Variants in G3BP1 observed in about 807,000 individuals in gnomAD.
G3BP1 encodes the protein ras GTPase-activating protein-binding protein 1.
In G3BP1, 35 loss-of-function variants were observed where a neutral mutation model predicts 58.6. The observed-to-expected ratio is 0.60, with a 90% CI of 0.46 to 0.79. G3BP1 has a LOEUF of 0.79. G3BP1 is among the 30% of genes least tolerant of loss of function. G3BP1 has a pLI of 0.00. For missense variants in G3BP1, 523 were observed against 580.8 expected, an observed-to-expected ratio of 0.90 and a Z score of 1.02; for synonymous variants, 191 against 195.4, an observed-to-expected ratio of 0.98 and a Z score of 0.19.
intron 1 of G3BP1, among the ~76,000 whole-genome samples, chr5:151,779,391 G>T (rs1762429309): frequency 6.6e-6 from 1 of 151,898 alleles, no homozygotes; most frequent in African/African-American, 2.4e-5. Flanking sequence ...ATATCTAATT[G>T]TTTCAGTACC....
At position 151,797,292 on chromosome 5, in the gene G3BP1, C is replaced by CAGAACA; in HGVS notation, c.611_616dup (p.Gln204_Glu205dup). 1 of 1,613,084 alleles carries CAGAACA rather than the reference C, an allele frequency of 6.2e-7. No homozygotes were observed. Among genetic ancestry groups the CAGAACA allele is most frequent in the Non-Finnish European group, 8.5e-7 (1 of 1,179,134 alleles). On this transcript the variant is annotated inframe_insertion, in exon 7 of 12. Transcript: ENST00000356245. ...CCAGAGCCTGATCCTGAACCAGAACCAGAACAAGAACCTGTATCTGAAATC... is the reference window on the plus strand; with the variant it reads ...CCAGAGCCTGATCCTGAACCAGAACCAGAACAAGAACAAGAACCTGTATCTGAAATC...
intron 1 of G3BP1, among the ~76,000 whole-genome samples, chr5:151,776,033 C>T (rs1762363526): frequency 6.6e-6 from 1 of 152,098 alleles, no homozygotes. Context: ...TTTGGATTTC[C>T]TTAGTTTTTC....
At chr5:151,786,813 T>C (rs1368812711) in intron 2 of G3BP1, 98 bp downstream of exon 2, 1 of 773,944 alleles carries the variant, frequency 1.3e-6, no homozygotes, top group African/African-American at 1.7e-5. Context: ...TTTGTAGGGT[T>C]GTTGCATAAT....
chr5:151,796,062 T>G (rs1045930280), intron 6 of G3BP1, among the ~76,000 whole-genome samples: 2 of 152,224 alleles, frequency 1.3e-5, no homozygotes, highest in Non-Finnish European at 2.9e-5. Context: ...AGAAATGTGT[T>G]TGATAGCAAT....
At position 151,812,708 on chromosome 5, in the gene G3BP1, TAAATA is replaced by T. The variant is rs780801957; in HGVS notation, c.*8624_*8628del. ...GTTGCTAAATCTAAGATCGAGTGTATAAATAAAATAACCCCTTCCTCCAGTGACTG... is the reference window on the plus strand; with the variant it reads ...GTTGCTAAATCTAAGATCGAGTGTATAAATAACCCCTTCCTCCAGTGACTG... On this transcript the variant is annotated 3_prime_UTR_variant, in exon 12 of 12. Coordinates refer to ENST00000356245, the MANE Select transcript of G3BP1 (RefSeq NM_005754.3). 8 of 152,336 alleles carry T rather than the reference TAAATA, an allele frequency of 5.3e-5. No homozygotes were observed. Among genetic ancestry groups the T allele is most frequent in the African/African-American group, 1.2e-4 (5 of 41,594 alleles). The allele number at this position is 152,336 out of a possible 1,614,324, so 9.4% of individuals were successfully genotyped here. A position where few individuals can be genotyped will look rare whatever the true frequency, so the allele number is the denominator to read the frequency against.
chr5:151,781,898 ACT>A (rs1288832037), intron 1 of G3BP1, among the ~76,000 whole-genome samples: 1 of 152,046 alleles, frequency 6.6e-6, no homozygotes, highest in Non-Finnish European at 1.5e-5. Flanking sequence ...CAGATTTTCA[ACT>A]CTGGGCTATC....
At chr5:151,793,785 G>A (rs1185502904) in intron 4 of G3BP1, among the ~76,000 whole-genome samples, 1 of 119,632 alleles carries the variant, frequency 8.4e-6, no homozygotes, top group Non-Finnish European at 1.7e-5. Flanking sequence ...TTGAGCCCAG[G>A]AATTAAAGAC....
chr5:151,800,729 G>A (rs2113249647), intron 10 of G3BP1, 31 bp from the exon 11 acceptor site: 2 of 1,251,982 alleles, frequency 1.6e-6, no homozygotes, highest in East Asian at 2.3e-5. Flanking sequence ...AATGGTCTAA[G>A]TAGTTATCTG....
At chr5:151,787,818 TATTCAATATGAATA>T (rs1208373671) in intron 2 of G3BP1, 7 of 299,042 alleles carry the variant, frequency 2.3e-5, no homozygotes, top group Non-Finnish European at 3.4e-5. Flanking sequence ...TTTATGAATG[TATTCAATATGAATA>T]TTTTCAATTC....
Position 151,774,958 on chromosome 5 carries a change from CCTGTCT to C in G3BP1, c.-50+2923_-50+2928del, listed in dbSNP as rs528267038. Among the ~76,000 whole-genome samples, 20 of 152,162 alleles carry C rather than the reference CCTGTCT, an allele frequency of 1.3e-4. No homozygotes were observed. The South Asian group carries it at 3.3e-3, about 25-fold the overall frequency. On this transcript the variant is annotated intron_variant, in intron 1 of 11. Transcript: ENST00000356245. ...TTTTTAAAAAAGTATTCTTGGACATCCTGTCTGTCTTTAGTTGGGAAGGTCAAGTTG... is the reference window on the plus strand; with the variant it reads ...TTTTTAAAAAAGTATTCTTGGACATCGTCTTTAGTTGGGAAGGTCAAGTTG...
intron 1 of G3BP1, among the ~76,000 whole-genome samples, chr5:151,784,812 T>G (rs939932384): frequency 6.6e-6 from 1 of 152,164 alleles, no homozygotes; most frequent in African/African-American, 2.4e-5. Flanking sequence ...GATAATATAT[T>G]TATTTACATT....
rs1378851618 is a variant in G3BP1 at position 151,804,203 on chromosome 5, A to C, written c.*112A>C. On this transcript the variant is annotated 3_prime_UTR_variant, in exon 12 of 12. Coordinates refer to ENST00000356245, the MANE Select transcript of G3BP1 (RefSeq NM_005754.3). Reference sequence around the variant, plus strand: ...ACCCCAGTCTGTTATAAACTGCTTAAGTTTGTATAATTTTACTTTTTTTGT... The same window carrying C: ...ACCCCAGTCTGTTATAAACTGCTTACGTTTGTATAATTTTACTTTTTTTGT... 9 of 679,320 alleles carry C rather than the reference A, an allele frequency of 1.3e-5. No individual in the cohort carries two copies. In the Middle Eastern group the frequency reaches 9.1e-4, roughly 69 times the overall value. 42.1% of individuals were successfully genotyped at this position (679,320 alleles called of 1,614,324 possible). A position where few individuals can be genotyped will look rare whatever the true frequency, so the allele number is the denominator to read the frequency against.
chr5:151,790,526 T>C (rs1762632834), intron 3 of G3BP1, 122 bp downstream of exon 3: 1 of 522,894 alleles, frequency 1.9e-6, no homozygotes, highest in Non-Finnish European at 3.4e-6. Context: ...TTAGTAAAAG[T>C]TGATGTGTTT....
intron 7 of G3BP1, among the ~76,000 whole-genome samples, chr5:151,798,076 T>C (rs1201156186): frequency 6.6e-6 from 1 of 152,222 alleles, no homozygotes; most frequent in Non-Finnish European, 1.5e-5. Context: ...CTGCTGTGTG[T>C]TAGGCATTGT....
Position 151,812,159 on chromosome 5 carries a change from C to G in G3BP1, c.*8068C>G, listed in dbSNP as rs1033906050. 6.6e-6 allele frequency: 1 copy of G among 152,184 alleles called. No homozygotes were observed. Among genetic ancestry groups the G allele is most frequent in the African/African-American group, 2.4e-5 (1 of 41,450 alleles). 9.4% of individuals were successfully genotyped at this position (152,184 alleles called of 1,614,324 possible). A position where few individuals can be genotyped will look rare whatever the true frequency, so the allele number is the denominator to read the frequency against. Reference sequence around the variant, plus strand: ...ATCCCCAAAGTATTTGGAATCACAGCATTGTAACTTGTGATTGTCTTACCT... The same window carrying G: ...ATCCCCAAAGTATTTGGAATCACAGGATTGTAACTTGTGATTGTCTTACCT... On this transcript the variant is annotated 3_prime_UTR_variant, in exon 12 of 12. Coordinates refer to ENST00000356245, the MANE Select transcript of G3BP1 (RefSeq NM_005754.3).
At position 151,800,163 on chromosome 5, in the gene G3BP1, T is replaced by C. The variant is rs1299460691; in HGVS notation, c.956-55T>C. On this transcript the variant is annotated intron_variant, in intron 9 of 11. Coordinates refer to ENST00000356245, the MANE Select transcript of G3BP1 (RefSeq NM_005754.3). ...GAAAACTATTGAATGTGAGCAGTCA[T>C]TGAAAGATGTCTTCTTTCTCTTGTC... 4 of 1,558,936 alleles carry C rather than the reference T, an allele frequency of 2.6e-6. No homozygotes were observed. The African/African-American group carries it at 5.4e-5, about 21-fold the overall frequency.
rs1488330171 is a variant in G3BP1, at chr5:151,799,284, C to T, written c.814C>T (p.Pro272Ser). Residue 272 changes from proline (P) to serine (S), a missense_variant, in exon 8 of 12, where the codon CCT (proline) becomes TCT (serine). Around this residue, in one of 2 missense-constraint regions of G3BP1, gnomAD observed 398 missense variants for 399.1 expected, o/e 1.00. Transcript: ENST00000356245. ...SGAVPVTGIP[P>S]HVVKVPASQP... ...AGCTGTTCCAGTTACTGGGATACCA[C>T]CTCATGTTGTTAAAGTACCAGCTTC... 3.8e-6 allele frequency: 6 copies of T among 1,591,100 alleles called. No homozygotes were observed. Among genetic ancestry groups the T allele is most frequent in the East Asian group, 2.2e-5 (1 of 44,760 alleles).
chr5:151,791,140 A>C, intron 4 of G3BP1, 78 bp downstream of exon 4: 4 of 1,211,456 alleles, frequency 3.3e-6, no homozygotes, highest in Non-Finnish European at 2.5e-6. Flanking sequence ...ATATCTTTAA[A>C]AACACTTGAA....
intron 11 of G3BP1, among the ~76,000 whole-genome samples, 189 bp from the exon 12 acceptor site, chr5:151,803,696 A>G (rs1035081303): frequency 2.0e-5 from 3 of 151,952 alleles, no homozygotes; most frequent in South Asian, 2.1e-4. Flanking sequence ...GGGTTTCACC[A>G]TGTTGGTCAG....
Sources: allele counts gnomAD v4.1 joint callset (sites outside exome capture counted in the v4.1 genomes callset), GRCh38; gene constraint gnomAD v4.1.1; regional missense constraint gnomAD v4.1.1; transcripts MANE v1.5; gene names NCBI Gene and HGNC (gene_info 2026-07-23, HGNC 2026-07-21).